Variants in GALNS observed in about 807,000 individuals in gnomAD.
GALNS encodes galactosamine (N-acetyl)-6-sulfatase, also known as N-acetylgalactosamine-6-sulfatase.
GALNS carries 65 observed loss-of-function variants against 65.9 expected under a neutral mutation model. The observed-to-expected ratio is 0.99, with a 90% CI of 0.81 to 1.21. The LOEUF (loss-of-function observed/expected upper bound fraction) is 1.21. GALNS is among the 50% of genes most tolerant of loss of function. The pLI is 0.00. For synonymous variants in GALNS, 346 were observed against 288.9 expected, an observed-to-expected ratio of 1.20 and a Z score of -2.00; for missense variants, 776 against 700.7, an observed-to-expected ratio of 1.11 and a Z score of -1.21.
At chr16:88,820,433 G>C (rs28695879) in intron 12 of GALNS, among the ~76,000 whole-genome samples, 3,299 of 152,262 alleles carry the variant, frequency 0.022, 119 homozygotes, top group African/African-American at 0.076. Flanking sequence ...CCGGCCACCC[G>C]TCTTTAATTT....
chr16:88,837,898 C>G, intron 4 of GALNS, 133 bp from the exon 5 acceptor site: 1 of 893,000 alleles, frequency 1.1e-6, no homozygotes, highest in Non-Finnish European at 1.8e-6. Flanking sequence ...TGGGCTATGC[C>G]TGGGCACGGC....
At chr16:88,850,802 T>A (rs1222862015) in intron 1 of GALNS, among the ~76,000 whole-genome samples, 6 of 152,240 alleles carry the variant, frequency 3.9e-5, no homozygotes, top group Non-Finnish European at 5.9e-5. Flanking sequence ...TTGCCTAGGC[T>A]GGCAGTGCGG....
chr16:88,827,153 G>A, intron 9 of GALNS: 3 of 501,702 alleles, frequency 6.0e-6, no homozygotes, highest in Non-Finnish European at 1.1e-5. Context: ...CCTGTCCGGA[G>A]AGGATCAGCC....
At chr16:88,827,506 G>C (rs1399785799) in intron 9 of GALNS, among the ~76,000 whole-genome samples, 3 of 152,180 alleles carry the variant, frequency 2.0e-5, no homozygotes, top group Non-Finnish European at 4.4e-5. Context: ...GAGTGCAGTG[G>C]TGCGATCTCA....
At chr16:88,855,183 A>G in intron 1 of GALNS, 1 of 674,842 alleles carries the variant, frequency 1.5e-6, no homozygotes, top group East Asian at 2.8e-5. Context: ...TTATTTCGAC[A>G]AGTCTTCAAC....
intron 9 of GALNS, among the ~76,000 whole-genome samples, chr16:88,831,229 C>T (rs1567526206): frequency 6.6e-6 from 1 of 150,784 alleles, no homozygotes; most frequent in Non-Finnish European, 1.5e-5. Flanking sequence ...AGGCCGAGCA[C>T]GGGGTGCGTG....
chr16:88,843,053 A>C (rs1480300659), intron 1 of GALNS: 1 of 1,520,600 alleles, frequency 6.6e-7, no homozygotes, highest in Admixed American at 2.0e-5. Context: ...GCGTGCGTGC[A>C]CGATGGGGCC....
intron 9 of GALNS, among the ~76,000 whole-genome samples, chr16:88,828,331 G>A (rs966497607): frequency 2.7e-4 from 41 of 152,230 alleles, no homozygotes; most frequent in Non-Finnish European, 4.0e-4. Context: ...GAGCGTTTTC[G>A]AAGAACTCTC....
rs1194057254 is a variant in GALNS at position 88,856,904 on chromosome 16, G to C, written c.-27C>G. 6.0e-6 allele frequency: 9 copies of C among 1,498,920 alleles called. No individual in the cohort carries two copies. Among genetic ancestry groups the C allele is most frequent in the Admixed American group, 4.3e-5 (2 of 46,852 alleles). The allele number at this position is 1,498,920 out of a possible 1,614,324, so 92.9% of individuals were successfully genotyped here. On this transcript the variant is annotated 5_prime_UTR_variant, in exon 1 of 14. Coordinates refer to ENST00000268695, the MANE Select transcript of GALNS (RefSeq NM_000512.5). ...GCAACCACGGGAGCCGCGGAGCCCC[G>C]GCCAGCGAGCCGACCTAGCGAGCGT...
intron 5 of GALNS, among the ~76,000 whole-genome samples, chr16:88,837,013 C>T (rs764379811): frequency 6.6e-6 from 1 of 152,256 alleles, no homozygotes; most frequent in Non-Finnish European, 1.5e-5. Flanking sequence ...CTCCACGGGG[C>T]TCTATCTAGA....
chr16:88,815,295 A>G (rs1018139986), intron 13 of GALNS: 2 of 985,278 alleles, frequency 2.0e-6, no homozygotes, highest in Non-Finnish European at 2.4e-6. Context: ...CAGCAGTGTT[A>G]GAAAGGGCAG....
chr16:88,846,515 T>C (rs914260112), intron 1 of GALNS, among the ~76,000 whole-genome samples: 6 of 145,260 alleles, frequency 4.1e-5, no homozygotes, highest in Non-Finnish European at 7.6e-5. Flanking sequence ...CTGGCTTTTT[T>C]TTTTTTTTTT....
intron 7 of GALNS, 45 bp downstream of exon 7, chr16:88,835,680 C>A (rs1256423787): frequency 2.5e-6 from 4 of 1,612,410 alleles, no homozygotes; most frequent in Non-Finnish European, 3.4e-6. Flanking sequence ...TCAAGCACAG[C>A]TGGGGCCTCC....
intron 13 of GALNS, chr16:88,815,178 A>C: frequency 1.0e-6 from 1 of 985,394 alleles, no homozygotes; most frequent in Non-Finnish European, 1.2e-6. Context: ...CACCCTCTTG[A>C]CTCGGCCTCT....
intron 12 of GALNS, among the ~76,000 whole-genome samples, chr16:88,821,251 A>G (rs1216235033): frequency 2.0e-5 from 3 of 152,142 alleles, no homozygotes; most frequent in Admixed American, 1.3e-4. Flanking sequence ...TGCCTCTTCC[A>G]GCTCCAGTGG....
At chr16:88,856,355 T>A in intron 1 of GALNS, 7 of 701,980 alleles carry the variant, frequency 1.0e-5, no homozygotes, top group Non-Finnish European at 1.8e-5. Context: ...TTCCTCCCTT[T>A]GGGGAGGCCA....
At position 88,816,346 on chromosome 16, in the gene GALNS, A is replaced by G. The variant is rs1346718695; in HGVS notation, c.1482+1661T>C. The G allele has an allele frequency of 4.1e-6, 4 of 985,292 alleles. No individual in the cohort carries two copies. The Admixed American group carries it at 2.5e-4, about 61-fold the overall frequency. 61.0% of individuals were successfully genotyped at this position (985,292 alleles called of 1,614,324 possible). The stretch of plus-strand genomic sequence containing the variant: ...GATTGGGTGTGGAAGGCAGAAGGCC[A>G]GGGCTCCTCCACGGCTGGTGGCCCT... On this transcript the variant is annotated intron_variant, in intron 13 of 13. Coordinates refer to ENST00000268695, the MANE Select transcript of GALNS (RefSeq NM_000512.5).
chr16:88,850,724 G>T (rs375306340), intron 1 of GALNS, among the ~76,000 whole-genome samples: 1 of 152,244 alleles, frequency 6.6e-6, no homozygotes, highest in Non-Finnish European at 1.5e-5. Context: ...CACACGGGAC[G>T]CTCGGGCTGC....
rs1183787381 is a variant in GALNS, at chr16:88,856,314, A to C, written c.120+444T>G. 5.7e-6 allele frequency: 4 copies of C among 702,688 alleles called. No homozygotes were observed. In the Admixed American group the frequency reaches 8.0e-5, roughly 14 times the overall value. The allele number at this position is 702,688 out of a possible 1,614,324, so 43.5% of individuals were successfully genotyped here. A position where few individuals can be genotyped will look rare whatever the true frequency, so the allele number is the denominator to read the frequency against. On this transcript the variant is annotated intron_variant, in intron 1 of 13. Transcript: ENST00000268695. ...GCGGGAGTGATTCCTAGGGCGACGC[A>C]GCTCTCAGGCAGGGCGGCAGGAGCA...
Sources: allele counts gnomAD v4.1 joint callset (sites outside exome capture counted in the v4.1 genomes callset), GRCh38; gene constraint gnomAD v4.1.1; transcripts MANE v1.5; gene names NCBI Gene and HGNC (gene_info 2026-07-23, HGNC 2026-07-21).